The following LRRIQ1 variants were observed in gnomAD, a reference collection of about 807,000 sequenced individuals.
LRRIQ1 encodes leucine rich repeats and IQ motif containing 1.
A neutral mutation model predicts 211.9 loss-of-function variants in LRRIQ1; 210 were observed. That is an observed-to-expected ratio of 0.99 (90% CI 0.89 to 1.11). The LOEUF (loss-of-function observed/expected upper bound fraction) is 1.11, where lower values mean the gene tolerates loss of function less well. Among genes scored for constraint, LRRIQ1 ranks in the 50% most tolerant of loss-of-function variants. The probability of loss-of-function intolerance (pLI) is 0.00; values close to 1 mark genes in which losing one functional copy is unlikely to be tolerated. For missense variants in LRRIQ1, 2,136 were observed against 1,939.5 expected, an observed-to-expected ratio of 1.10 and a Z score of -1.90; for synonymous variants, 699 against 650.1, an observed-to-expected ratio of 1.08 and a Z score of -1.14.
At chr12:85,065,465 A>C in intron 9 of LRRIQ1, 51 bp downstream of exon 9, 1 of 1,371,516 alleles carries the variant, frequency 7.3e-7, no homozygotes, top group Non-Finnish European at 9.7e-7. Context: ...TATAAAATGG[A>C]TTTATGTTTA....
At chr12:85,146,869 A>G (rs1889925761) in intron 19 of LRRIQ1, among the ~76,000 whole-genome samples, 1 of 151,716 alleles carries the variant, frequency 6.6e-6, no homozygotes. Context: ...GAGAAAAGAG[A>G]TACTCATCAT....
chr12:85,192,867 A>G (rs1173515434), intron 24 of LRRIQ1, among the ~76,000 whole-genome samples: 1 of 101,572 alleles, frequency 9.8e-6, no homozygotes, highest in Admixed American at 1.6e-4. Flanking sequence ...ATAGTTATAT[A>G]TTATAATTAT....
At chr12:85,211,714 A>G (rs1369811230) in intron 24 of LRRIQ1, among the ~76,000 whole-genome samples, 1 of 152,152 alleles carries the variant, frequency 6.6e-6, no homozygotes, top group Non-Finnish European at 1.5e-5. Flanking sequence ...AATAAAATTG[A>G]TATTTAAAAT....
At position 85,124,141 on chromosome 12, in the gene LRRIQ1, A is replaced by G. The variant is rs368664255; in HGVS notation, c.3629A>G (p.Glu1210Gly). ...AAGAAATTGATGATACTTAGTACTG[A>G]ATACCGACATGCACACGAACGAGGG... ...YFKKLMILSTEYRHAHERGDV... is the reference protein window; with the variant it reads ...YFKKLMILSTGYRHAHERGDV... Residue 1210 changes from glutamate (E) to glycine (G), a missense_variant, in exon 17 of 27, where the codon GAA (glutamate) becomes GGA (glycine). By Grantham distance (98) the Glu-to-Gly change is moderately conservative. Transcript: ENST00000393217. 6.2e-7 allele frequency: 1 copy of G among 1,614,068 alleles called. No individual in the cohort carries two copies. Among genetic ancestry groups the G allele is most frequent in the Non-Finnish European group, 8.5e-7 (1 of 1,179,966 alleles).
chr12:85,175,888 A>C (rs1452577939), intron 24 of LRRIQ1, among the ~76,000 whole-genome samples: 1 of 152,156 alleles, frequency 6.6e-6, no homozygotes, highest in Non-Finnish European at 1.5e-5. Context: ...TACCAGTACC[A>C]TGCTTTTTTG....
intron 15 of LRRIQ1, among the ~76,000 whole-genome samples, chr12:85,118,269 G>T (rs1346532395): frequency 6.6e-6 from 1 of 152,076 alleles, no homozygotes; most frequent in African/African-American, 2.4e-5. Flanking sequence ...AAAATATATG[G>T]ACTCATATTT....
chr12:85,042,981 G>A (rs1346500531), intron 3 of LRRIQ1, among the ~76,000 whole-genome samples: 1 of 152,062 alleles, frequency 6.6e-6, no homozygotes, highest in Non-Finnish European at 1.5e-5. Context: ...ACTTTAGGCA[G>A]TAAGTTTTTT....
At chr12:85,177,662 T>C (rs1891776690) in intron 24 of LRRIQ1, among the ~76,000 whole-genome samples, 1 of 152,104 alleles carries the variant, frequency 6.6e-6, no homozygotes, top group East Asian at 1.9e-4. Flanking sequence ...TAGTCTGTCC[T>C]TTTTAGTCCA....
At chr12:85,218,186 A>T (rs978354147) in intron 24 of LRRIQ1, among the ~76,000 whole-genome samples, 4 of 152,040 alleles carry the variant, frequency 2.6e-5, no homozygotes, top group South Asian at 2.1e-4. Context: ...AAATACATTT[A>T]AAAATATGGG....
In LRRIQ1 at chr12:85,056,504, G is replaced by T; in HGVS notation, c.1711G>T (p.Glu571Ter). 6.2e-7 allele frequency: 1 copy of T among 1,611,936 alleles called. No individual in the cohort carries two copies. The highest frequency in any genetic ancestry group is 1.1e-5 in the South Asian group (1 of 90,576). The change falls in exon 8 of 27, where the codon GAG (glutamate) becomes TAG (stop). Residue 571 changes from glutamate (E) to a stop codon, truncating the protein, a stop_gained. Coordinates refer to ENST00000393217, the MANE Select transcript of LRRIQ1 (RefSeq NM_001079910.2). LOFTEE classifies it high-confidence loss of function. ...QEISEVKTNE[E>*]QKIIKDNQQK... Reference sequence around the variant, plus strand: ...AATCAGTGAGGTGAAAACCAATGAAGAGCAGAAAATAATCAAAGATAATCA... The same window carrying T: ...AATCAGTGAGGTGAAAACCAATGAATAGCAGAAAATAATCAAAGATAATCA...
At chr12:85,046,604 A>G (rs540526740) in intron 5 of LRRIQ1, among the ~76,000 whole-genome samples, 34 of 152,300 alleles carry the variant, frequency 2.2e-4, no homozygotes, top group African/African-American at 7.0e-4. Flanking sequence ...AGATTCCTCA[A>G]GGATCTAGAA....
intron 24 of LRRIQ1, among the ~76,000 whole-genome samples, chr12:85,219,576 CT>C (rs1894304748): frequency 6.6e-6 from 1 of 151,912 alleles, no homozygotes; most frequent in South Asian, 2.1e-4. Flanking sequence ...TAGCACATAA[CT>C]TTTCATTTTA....
chr12:85,099,067 A>G, intron 13 of LRRIQ1, 73 bp downstream of exon 13: 1 of 1,026,658 alleles, frequency 9.7e-7, no homozygotes, highest in Non-Finnish European at 1.4e-6. Flanking sequence ...ATAAACTACC[A>G]TAAAAGTTAG....
intron 8 of LRRIQ1, among the ~76,000 whole-genome samples, chr12:85,063,569 A>T (rs765749186): frequency 1.3e-5 from 2 of 151,608 alleles, no homozygotes; most frequent in Non-Finnish European, 3.0e-5. Flanking sequence ...TAGTCATTTT[A>T]AAATGTACAA....
intron 11 of LRRIQ1, among the ~76,000 whole-genome samples, chr12:85,091,068 CT>C (rs1885345917): frequency 6.6e-6 from 1 of 152,088 alleles, no homozygotes; most frequent in Admixed American, 6.6e-5. Context: ...CATCTGCCCC[CT>C]CTCTCTCACT....
intron 15 of LRRIQ1, among the ~76,000 whole-genome samples, chr12:85,120,069 G>T (rs1439646891): frequency 1.3e-5 from 2 of 151,878 alleles, no homozygotes; most frequent in Non-Finnish European, 2.9e-5. Context: ...GGTGATTTTT[G>T]AACTCTCCTT....
chr12:85,193,550 G>C (rs1892716212), intron 24 of LRRIQ1, among the ~76,000 whole-genome samples: 1 of 145,622 alleles, frequency 6.9e-6, no homozygotes, highest in African/African-American at 2.5e-5. Context: ...TTTCAACCCA[G>C]AATTTCATAT....
chr12:85,117,774 C>T (rs1364675581), intron 15 of LRRIQ1, among the ~76,000 whole-genome samples: 1 of 152,170 alleles, frequency 6.6e-6, no homozygotes, highest in Non-Finnish European at 1.5e-5. Context: ...TTCTTAACTG[C>T]CAGTACACTT....
At chr12:85,268,435 T>C (rs1896467910), downstream of LRRIQ1, among the ~76,000 whole-genome samples, 3 of 151,954 alleles carry the variant, frequency 2.0e-5, no homozygotes, top group Admixed American at 2.0e-4. Context: ...AGAAAATGTT[T>C]CCACCACCAG....
Sources: allele counts gnomAD v4.1 joint callset (sites outside exome capture counted in the v4.1 genomes callset), GRCh38; gene constraint gnomAD v4.1.1; transcripts MANE v1.5; gene names NCBI Gene and HGNC (gene_info 2026-07-23, HGNC 2026-07-21).